Variants in ARHGEF4 observed in about 807,000 individuals in gnomAD.
ARHGEF4 encodes the protein Rho guanine nucleotide exchange factor 4.
ARHGEF4 carries 119 observed loss-of-function variants against 162.0 expected under a neutral mutation model. That is an observed-to-expected ratio of 0.73 (90% CI 0.63 to 0.86). The LOEUF is 0.86. Ranked by LOEUF, ARHGEF4 falls within the 40% of genes least tolerant of loss-of-function variation. ARHGEF4 has a pLI of 0.00. For synonymous variants in ARHGEF4, 1,014 were observed against 979.9 expected (o/e 1.03, Z -0.65); for missense variants, 2,488 against 2,456.0 (o/e 1.01, Z -0.28).
At chr2:130,926,578 T>C (rs6430429) in intron 2 of ARHGEF4, among the ~76,000 whole-genome samples, 151,532 of 152,268 alleles carry the variant, frequency 1, 75,400 homozygotes, top group Middle Eastern at 1. Flanking sequence ...TACCTCATTA[T>C]TTCCAGGTTT....
chr2:130,982,832 A>G (rs993425351), intron 4 of ARHGEF4, among the ~76,000 whole-genome samples: 1 of 152,178 alleles, frequency 6.6e-6, no homozygotes, highest in Admixed American at 6.5e-5. Flanking sequence ...TAACTTTTAG[A>G]TAACTTCTGA....
intron 9 of ARHGEF4, 52 bp from the exon 10 acceptor site, chr2:131,041,763 C>T (rs1690829262): frequency 1.3e-6 from 2 of 1,595,048 alleles, no homozygotes; most frequent in Non-Finnish European, 1.7e-6. Context: ...GGGATCCTCA[C>T]CCTTTCTCTG....
chr2:130,848,551 G>A (rs1345415465), intron 1 of ARHGEF4, among the ~76,000 whole-genome samples: 1 of 152,154 alleles, frequency 6.6e-6, no homozygotes, highest in African/African-American at 2.4e-5. Context: ...CCTCCTGCGT[G>A]GCATTCCCAG....
At chr2:131,038,309 C>T (rs546505449) in intron 5 of ARHGEF4, among the ~76,000 whole-genome samples, 148 of 144,934 alleles carry the variant, frequency 1.0e-3, no homozygotes, top group African/African-American at 3.5e-3. Flanking sequence ...AGCCTTGCAG[C>T]GCCCAGCCCC....
At chr2:130,954,461 A>G (rs1354074952) in intron 4 of ARHGEF4, among the ~76,000 whole-genome samples, 2 of 152,220 alleles carry the variant, frequency 1.3e-5, no homozygotes, top group Non-Finnish European at 2.9e-5. Context: ...TGATGAGTTA[A>G]TGGGTGCAGC....
intron 4 of ARHGEF4, among the ~76,000 whole-genome samples, chr2:131,009,545 A>C (rs1688323546): frequency 1.3e-5 from 2 of 151,724 alleles, no homozygotes; most frequent in South Asian, 4.2e-4. Context: ...ATTTTCCAAC[A>C]TTTTTTTCTC....
intron 4 of ARHGEF4, among the ~76,000 whole-genome samples, chr2:130,972,197 G>A (rs902506153): frequency 3.9e-5 from 6 of 152,146 alleles, no homozygotes; most frequent in Non-Finnish European, 7.3e-5. Flanking sequence ...ATATTGCCGC[G>A]AAAATAAGAA....
rs1690841718 is a variant in ARHGEF4, at chr2:131,041,862, C to T, written c.4943C>T (p.Ala1648Val). 6.2e-7 allele frequency: 1 copy of T among 1,613,530 alleles called. No homozygotes were observed. ...GCCTTGCATGCCATGAAGAACGTGG[C>T]CCAGCTCATCAACGAGCGGAAGCGG... ...EAALHAMKNV[A>V]QLINERKRRL... Residue 1648 changes from alanine to valine, a missense_variant, in exon 10 of 14, where the codon GCC (alanine) becomes GTC (valine). Around this residue, in one of 6 missense-constraint regions of ARHGEF4, gnomAD observed 415 missense variants for 512.4 expected, o/e 0.81. Transcript: ENST00000409359.
intron 1 of ARHGEF4, among the ~76,000 whole-genome samples, chr2:130,901,413 C>T (rs1680481502): frequency 6.6e-6 from 1 of 152,156 alleles, no homozygotes. Context: ...GTTGGGCTTT[C>T]CTCTTGCTGG....
chr2:130,926,075 T>TTTCTTTC (rs1682267036), intron 2 of ARHGEF4, among the ~76,000 whole-genome samples: 1 of 144,308 alleles, frequency 6.9e-6, no homozygotes, highest in Non-Finnish European at 1.5e-5. Flanking sequence ...TCTTTCTTTC[T>TTTCTTTC]TTGGTCTGTT....
intron 1 of ARHGEF4, among the ~76,000 whole-genome samples, chr2:130,900,335 A>G (rs769990678): frequency 1.6e-4 from 24 of 152,034 alleles, no homozygotes; most frequent in Non-Finnish European, 2.9e-4. Flanking sequence ...GGGTTTTTCT[A>G]TTTCTTTTTT....
chr2:131,006,782 G>A (rs1219557726), intron 4 of ARHGEF4, among the ~76,000 whole-genome samples: 2 of 152,156 alleles, frequency 1.3e-5, no homozygotes, highest in African/African-American at 4.8e-5. Flanking sequence ...ACCTAGGTGC[G>A]GGGAGTTGGT....
chr2:131,024,817 T>C (rs1245876629), intron 4 of ARHGEF4, among the ~76,000 whole-genome samples: 1 of 152,238 alleles, frequency 6.6e-6, no homozygotes, highest in Non-Finnish European at 1.5e-5. Flanking sequence ...TGGCCACATG[T>C]TGAGAACTGT....
chr2:130,990,174 C>T (rs149922401), intron 4 of ARHGEF4, among the ~76,000 whole-genome samples: 1 of 152,260 alleles, frequency 6.6e-6, no homozygotes, highest in East Asian at 1.9e-4. Flanking sequence ...TGAAAATGGA[C>T]AGTGTACAAA....
chr2:130,938,574 T>A (rs1327481204), intron 3 of ARHGEF4, among the ~76,000 whole-genome samples: 1 of 152,188 alleles, frequency 6.6e-6, no homozygotes, highest in South Asian at 2.1e-4. Context: ...ATTTTTTTAA[T>A]GTTGGTCTTT....
intron 4 of ARHGEF4, among the ~76,000 whole-genome samples, chr2:130,977,700 GTGTT>G (rs1389939328): frequency 2.0e-5 from 3 of 151,786 alleles, no homozygotes; most frequent in South Asian, 4.2e-4. Context: ...TTGTGCAAAC[GTGTT>G]TTTTTTGCAT....
Position 131,046,296 on chromosome 2 carries a change from G to A in ARHGEF4, c.*107G>A. On this transcript the variant is annotated 3_prime_UTR_variant, in exon 14 of 14. Coordinates refer to ENST00000409359, the MANE Select transcript of ARHGEF4 (RefSeq NM_001367493.1). ...GCCTTCCTCTGCCTGCAAGTGAGCA[G>A]GGATGGGCTGGGGAGTTGCTTGTGC... The A allele has an allele frequency of 1.7e-6, 2 of 1,192,484 alleles. No individual in the cohort carries two copies. Among genetic ancestry groups the A allele is most frequent in the Non-Finnish European group, 1.2e-6 (1 of 853,438 alleles). The allele number at this position is 1,192,484 out of a possible 1,614,324, so 73.9% of individuals were successfully genotyped here.
chr2:130,950,760 T>C (rs965579284), intron 4 of ARHGEF4, among the ~76,000 whole-genome samples: 22 of 150,542 alleles, frequency 1.5e-4, no homozygotes, highest in African/African-American at 4.4e-4. Flanking sequence ...GATTTGCCTA[T>C]GGATGGAATC....
chr2:130,907,282 T>G (rs1680880655), intron 1 of ARHGEF4, among the ~76,000 whole-genome samples: 1 of 123,310 alleles, frequency 8.1e-6, no homozygotes. Context: ...TGGCACGATC[T>G]GGGCTCACTG....
Sources: allele counts gnomAD v4.1 joint callset (sites outside exome capture counted in the v4.1 genomes callset), GRCh38; gene constraint gnomAD v4.1.1; regional missense constraint gnomAD v4.1.1; transcripts MANE v1.5; gene names NCBI Gene and HGNC (gene_info 2026-07-23, HGNC 2026-07-21).